Variants in ESR2 observed in about 807,000 individuals in gnomAD.
ESR2 encodes the protein estrogen receptor 2.
ESR2 carries 36 observed loss-of-function variants against 49.6 expected under a neutral mutation model. That is an observed-to-expected ratio of 0.73 (90% confidence interval 0.56 to 0.96). The LOEUF (loss-of-function observed/expected upper bound fraction) is 0.96, where lower values mean the gene tolerates loss of function less well. Ranked by LOEUF, ESR2 falls within the 40% of genes least tolerant of loss-of-function variation. ESR2 has a pLI of 0.00. For missense variants in ESR2, 714 were observed against 693.0 expected (o/e 1.03, Z -0.34); for synonymous variants, 320 against 266.1 (o/e 1.20, Z -1.97).
intron 7 of ESR2, among the ~76,000 whole-genome samples, chr14:64,249,259 A>T (rs1172412612): frequency 1.3e-5 from 2 of 152,218 alleles, no homozygotes; most frequent in Non-Finnish European, 2.9e-5. Context: ...CACTGAAAAA[A>T]GTTTAAAAGA....
chr14:64,327,011 T>C (rs1336540937), intron 1 of ESR2, among the ~76,000 whole-genome samples: 1 of 152,236 alleles, frequency 6.6e-6, no homozygotes, highest in East Asian at 1.9e-4. Flanking sequence ...ATTGTTTTTC[T>C]TCAAAAATCA....
At chr14:64,319,162 G>A (rs1374931715) in intron 1 of ESR2, among the ~76,000 whole-genome samples, 1 of 152,072 alleles carries the variant, frequency 6.6e-6, no homozygotes, top group Non-Finnish European at 1.5e-5. Context: ...ATTCAATCAA[G>A]AAAGGATAGT....
At chr14:64,234,945 C>G in intron 8 of ESR2, 25 bp downstream of exon 8, 2 of 1,606,096 alleles carry the variant, frequency 1.2e-6, no homozygotes, top group South Asian at 1.1e-5. Context: ...CAAGCCCAAG[C>G]AGAGCAGCTC....
intron 3 of ESR2, among the ~76,000 whole-genome samples, chr14:64,276,076 C>A (rs148945465): frequency 6.6e-6 from 1 of 151,928 alleles, no homozygotes; most frequent in Non-Finnish European, 1.5e-5. Context: ...ACAAAATATG[C>A]GCAAAAGTTT....
intron 1 of ESR2, among the ~76,000 whole-genome samples, chr14:64,292,559 TTC>T (rs1315359828): frequency 6.6e-6 from 1 of 152,316 alleles, no homozygotes; most frequent in East Asian, 1.9e-4. Context: ...AAGCATACAA[TTC>T]TCAAGGTTTC....
In ESR2 at chr14:64,252,754, C is replaced by T. The variant is rs113448117; in HGVS notation, c.1092-3075G>A. Among the ~76,000 whole-genome samples the T allele has an allele frequency of 6.1e-3, 924 of 152,310 alleles. 8 individuals carry two copies. Among genetic ancestry groups the T allele is most frequent in the African/African-American group, 0.02 (850 of 41,560 alleles). On this transcript the variant is annotated intron_variant, in intron 6 of 8. Transcript: ENST00000341099. Reference sequence around the variant, plus strand: ...CATGGGGGAAACCATCCCCATGATCCAATCACTCCCACCAGATCCCTCCCT... The same window carrying T: ...CATGGGGGAAACCATCCCCATGATCTAATCACTCCCACCAGATCCCTCCCT...
At chr14:64,277,498 T>C (rs531009077) in intron 3 of ESR2, among the ~76,000 whole-genome samples, 2 of 151,610 alleles carry the variant, frequency 1.3e-5, no homozygotes, top group East Asian at 3.9e-4. Context: ...GGTGGCCAGC[T>C]CCTGTAATCC....
chr14:64,282,528 A>C, intron 2 of ESR2, 96 bp downstream of exon 2: 1 of 1,301,162 alleles, frequency 7.7e-7, no homozygotes, highest in African/African-American at 1.5e-5. Flanking sequence ...TAATACAATA[A>C]AGACCTTGTC....
intron 3 of ESR2, among the ~76,000 whole-genome samples, chr14:64,278,656 G>A (rs1271788897): frequency 1.3e-5 from 2 of 152,162 alleles, no homozygotes; most frequent in Non-Finnish European, 2.9e-5. Context: ...GGGGCAAATA[G>A]AGAAAACAAG....
chr14:64,236,055 T>A (rs1156506495), intron 7 of ESR2, among the ~76,000 whole-genome samples: 1 of 152,216 alleles, frequency 6.6e-6, no homozygotes, highest in East Asian at 1.9e-4. Context: ...TTGGCTGTCA[T>A]GAGACTGATG....
chr14:64,242,073 C>G (rs1358050454), intron 7 of ESR2, among the ~76,000 whole-genome samples: 1 of 152,108 alleles, frequency 6.6e-6, no homozygotes. Context: ...GTGTTTTTAG[C>G]AGGAGTGGAT....
rs2076188898 is a variant in ESR2 at position 64,260,449 on chromosome 14, C to T, written c.952G>A (p.Gly318Ser). ...AAAACTGATAGCCAGAAAGCCCTACCGGGAATCTTCTTGGCCCAGCTGATC... is the reference window on the plus strand; with the variant it reads ...AAAACTGATAGCCAGAAAGCCCTACTGGGAATCTTCTTGGCCCAGCTGATC... ...HMISWAKKIP[G>S]FVELSLFDQV... The change falls in exon 5 of 9, where the codon GGC (glycine) becomes AGC (serine). Residue 318 changes from glycine to serine, a missense_variant and splice_region_variant. By Grantham distance (56) the Gly-to-Ser change is moderately conservative. Coordinates refer to ENST00000341099, the MANE Select transcript of ESR2 (RefSeq NM_001437.3). The T allele has an allele frequency of 2.6e-6, 4 of 1,522,508 alleles. No individual in the cohort carries two copies. Among genetic ancestry groups the T allele is most frequent in the Middle Eastern group, 1.8e-4 (1 of 5,632 alleles). 94.3% of individuals were successfully genotyped at this position (1,522,508 alleles called of 1,614,324 possible). A position where few individuals can be genotyped will look rare whatever the true frequency, so the allele number is the denominator to read the frequency against.
At chr14:64,246,734 C>CAAAAAAAAAAAAAAAAAAAAAAAA (rs71123836) in intron 7 of ESR2, among the ~76,000 whole-genome samples, 6 of 36,432 alleles carry the variant, frequency 1.6e-4, no homozygotes, top group African/African-American at 2.5e-4. Context: ...AAGACTCTGT[C>CAAAAAAAAAAAAAAAAAAAAAAAA]AAAAAAAAAA....
chr14:64,324,159 C>A (rs1013352765), intron 1 of ESR2, among the ~76,000 whole-genome samples: 3 of 152,160 alleles, frequency 2.0e-5, no homozygotes, highest in Non-Finnish European at 2.9e-5. Flanking sequence ...TAGTCTCGAA[C>A]AACATTGTAT....
At chr14:64,227,672 T>A, downstream of ESR2, 2 of 1,612,662 alleles carry the variant, frequency 1.2e-6, no homozygotes, top group Non-Finnish European at 1.7e-6. Flanking sequence ...TGGTCTGCAT[T>A]TCAAAGCTTA....
chr14:64,314,045 T>C (rs2077221246), intron 1 of ESR2, among the ~76,000 whole-genome samples: 1 of 152,138 alleles, frequency 6.6e-6, no homozygotes, highest in East Asian at 1.9e-4. Context: ...ATTTGTAGAA[T>C]ACTCCACCCT....
intron 6 of ESR2, among the ~76,000 whole-genome samples, chr14:64,255,827 A>G (rs1313693685): frequency 6.6e-6 from 1 of 152,148 alleles, no homozygotes; most frequent in East Asian, 1.9e-4. Context: ...GCCTCCCTCC[A>G]TGGTTTACCA....
chr14:64,321,901 G>C (rs971073448), intron 1 of ESR2, among the ~76,000 whole-genome samples: 1 of 152,064 alleles, frequency 6.6e-6, no homozygotes, highest in Non-Finnish European at 1.5e-5. Context: ...AGACACTGGG[G>C]ACTACCAGAC....
intron 7 of ESR2, among the ~76,000 whole-genome samples, chr14:64,243,581 T>C (rs1377794827): frequency 6.6e-6 from 1 of 152,192 alleles, no homozygotes; most frequent in African/African-American, 2.4e-5. Flanking sequence ...CACTTAGCAA[T>C]TGTTTGATCC....
Sources: gnomAD v4.1 joint callset for allele counts (sites outside exome capture counted in the v4.1 genomes callset) on GRCh38, gnomAD v4.1.1 for gene constraint, MANE v1.5 for transcripts, NCBI Gene and HGNC (gene_info 2026-07-23, HGNC 2026-07-21) for gene names.